CASK: variants seen among roughly 807,000 people sequenced by gnomAD.
The protein encoded by CASK is peripheral plasma membrane protein CASK.
In CASK, 4 loss-of-function variants were observed where a neutral mutation model predicts 82.9. That is an observed-to-expected ratio of 0.05 (90% confidence interval 0.02 to 0.11). The LOEUF (loss-of-function observed/expected upper bound fraction) is 0.11, where lower values mean the gene tolerates loss of function less well. Ranked by LOEUF, CASK falls within the 10% of genes least tolerant of loss-of-function variation. CASK has a pLI of 1.00. For missense variants in CASK, 358 were observed against 720.9 expected (o/e 0.50, Z 5.76); for synonymous variants, 259 against 253.5 (o/e 1.02, Z -0.20).
At chrX:41,728,432 TGGTAATTTTAAA>T (rs1399884469) in intron 5 of CASK, 1 of 127,243 alleles carries the variant, frequency 7.9e-6, no homozygotes, top group East Asian at 2.7e-4. Context: ...TAGTGTTTAT[TGGTAATTTTAAA>T]ATCTTTAAAA....
At chrX:41,570,093 C>T (rs1292670260) in intron 15 of CASK, among the ~76,000 whole-genome samples, 1 of 101,711 alleles carries the variant, frequency 9.8e-6, no homozygotes, top group Non-Finnish European at 2.0e-5. Context: ...ACCTCCACCT[C>T]CAGGGTTCAA....
chrX:41,592,775 T>C (rs944773805), intron 12 of CASK, among the ~76,000 whole-genome samples: 2 of 112,012 alleles, frequency 1.8e-5, no homozygotes, highest in African/African-American at 6.5e-5. Flanking sequence ...TGATAGTTAC[T>C]AGTCTAAGCT....
chrX:41,517,896 G>A lies in CASK; in HGVS notation c.*2524C>T, dbSNP rs1602199087. 1 of 520,541 alleles carries A rather than the reference G, an allele frequency of 1.9e-6. No individual in the cohort carries two copies. The highest frequency in any genetic ancestry group is 2.4e-5 in the African/African-American group (1 of 42,553). 42.9% of individuals were successfully genotyped at this position (520,541 alleles called of 1,213,427 possible). A position where few individuals can be genotyped will look rare whatever the true frequency, so the allele number is the denominator to read the frequency against. ...GTCATAAAGACACTGCTTTAGAGAA[G>A]ACATGTATTAGTGGAATGGAACAGG... On this transcript the variant is annotated 3_prime_UTR_variant, in exon 27 of 27. Coordinates refer to ENST00000378163, the MANE Select transcript of CASK (RefSeq NM_001367721.1).
chrX:41,726,015 C>T, intron 5 of CASK, among the ~76,000 whole-genome samples: 1 of 112,632 alleles, frequency 8.9e-6, no homozygotes. Context: ...GGATGCCTGG[C>T]TAATTTTTCT....
intron 2 of CASK, among the ~76,000 whole-genome samples, chrX:41,796,739 C>T (rs142518276): frequency 0.017 from 1,862 of 111,644 alleles, 26 homozygotes; most frequent in African/African-American, 0.039. Flanking sequence ...TACCACTTCT[C>T]CTCTACTTCC....
intron 5 of CASK, among the ~76,000 whole-genome samples, chrX:41,719,159 A>C (rs2068116643): frequency 9.0e-6 from 1 of 110,707 alleles, no homozygotes; most frequent in Non-Finnish European, 1.9e-5. Flanking sequence ...GCCTGTCTCT[A>C]CTCTTTCTCA....
chrX:41,906,043 A>G (rs1199917007), intron 1 of CASK, among the ~76,000 whole-genome samples: 1 of 112,573 alleles, frequency 8.9e-6, no homozygotes, highest in Admixed American at 9.4e-5. Context: ...CTACTAACCT[A>G]TTTCAAAAGA....
intron 12 of CASK, among the ~76,000 whole-genome samples, chrX:41,591,791 G>A (rs996971822): frequency 4.5e-5 from 5 of 110,869 alleles, no homozygotes; most frequent in Non-Finnish European, 9.4e-5. Context: ...ACTGTATTGT[G>A]CACTTTAAGA....
At chrX:41,857,584 G>A in intron 1 of CASK, among the ~76,000 whole-genome samples, 1 of 111,943 alleles carries the variant, frequency 8.9e-6, no homozygotes, top group Non-Finnish European at 1.9e-5. Context: ...GAAAACAAAA[G>A]AGCCCTTGAA....
intron 5 of CASK, among the ~76,000 whole-genome samples, chrX:41,691,676 G>C (rs779113087): frequency 1.3e-3 from 135 of 107,930 alleles, no homozygotes; most frequent in Non-Finnish European, 2.5e-3. Flanking sequence ...GGCCAACATA[G>C]TGAAACTCCG....
At chrX:41,572,036 G>A (rs191728755) in intron 15 of CASK, among the ~76,000 whole-genome samples, 1 of 108,977 alleles carries the variant, frequency 9.2e-6, no homozygotes, top group East Asian at 2.8e-4. Context: ...AGCTACTCCA[G>A]CTACCTTTTG....
At position 41,619,066 on chromosome X, in the gene CASK, G is replaced by A. The variant is rs1056795693; in HGVS notation, c.1033+3551C>T. On this transcript the variant is annotated intron_variant, in intron 11 of 26. Transcript: ENST00000378163. ...AGGATGGTCTCAAACTCCTGACCTC[G>A]TGATCCACCCGCCTTGGCCTCCCAA... Among the ~76,000 whole-genome samples, 10 of 109,398 alleles carry A rather than the reference G, an allele frequency of 9.1e-5. No individual in the cohort carries two copies. The Admixed American group carries it at 9.8e-4, about 11-fold the overall frequency. 95.0% of individuals were successfully genotyped at this position (109,398 alleles called of 115,157 possible).
intron 2 of CASK, among the ~76,000 whole-genome samples, chrX:41,789,982 T>A (rs1038592702): frequency 9.0e-6 from 1 of 111,607 alleles, no homozygotes; most frequent in Non-Finnish European, 1.9e-5. Context: ...CAGGTTGGAG[T>A]GCAGTGGCGT....
chrX:41,770,314 A>G (rs2069213284), intron 3 of CASK, among the ~76,000 whole-genome samples: 1 of 77,053 alleles, frequency 1.3e-5, no homozygotes, highest in African/African-American at 5.0e-5. Context: ...CTACCTACCT[A>G]TCCATCCATC....
At chrX:41,672,119 T>C (rs2067204071) in intron 5 of CASK, among the ~76,000 whole-genome samples, 1 of 110,996 alleles carries the variant, frequency 9.0e-6, no homozygotes, top group South Asian at 3.9e-4. Flanking sequence ...ACGCTCTTCC[T>C]GGGCATGTCT....
intron 8 of CASK, among the ~76,000 whole-genome samples, chrX:41,642,772 T>G (rs773333266): frequency 8.9e-6 from 1 of 112,301 alleles, no homozygotes; most frequent in East Asian, 2.8e-4. Flanking sequence ...TTTGTCAATT[T>G]TGGATTTTGT....
chrX:41,727,090 T>C (rs2068274115), intron 5 of CASK: 2 of 1,166,632 alleles, frequency 1.7e-6, no homozygotes, highest in African/African-American at 1.8e-5. Flanking sequence ...ACCAATCATT[T>C]ACATCCTCCT....
chrX:41,716,144 T>C (rs147632883), intron 5 of CASK, among the ~76,000 whole-genome samples: 146 of 112,485 alleles, frequency 1.3e-3, no homozygotes, highest in African/African-American at 4.5e-3. Context: ...CTCAGAATAA[T>C]AGTTTGCTCA....
intron 2 of CASK, among the ~76,000 whole-genome samples, chrX:41,788,881 A>T (rs753629504): frequency 5.9e-4 from 66 of 111,527 alleles, no homozygotes; most frequent in African/African-American, 2.2e-3. Context: ...CACACCTCTC[A>T]TTGGGCTAAG....
Sources: gnomAD v4.1 joint callset for allele counts (sites outside exome capture counted in the v4.1 genomes callset) on GRCh38, gnomAD v4.1.1 for gene constraint, MANE v1.5 for transcripts, NCBI Gene and HGNC (gene_info 2026-07-23, HGNC 2026-07-21) for gene names.